HACL1: variants seen among roughly 807,000 people sequenced by gnomAD.
HACL1 encodes the protein 2-hydroxyacyl-CoA lyase 1.
In HACL1, 64 loss-of-function variants were observed where a neutral mutation model predicts 74.2. The ratio of observed to expected loss-of-function variants is 0.86; its 90% CI spans 0.70 to 1.06. The LOEUF is 1.06. Ranked by LOEUF, HACL1 falls within the 50% of genes least tolerant of loss-of-function variation. HACL1 has a pLI of 0.00. For synonymous variants in HACL1, 230 were observed against 238.8 expected, an observed-to-expected ratio of 0.96 and a Z score of 0.34; for missense variants, 728 against 719.7, an observed-to-expected ratio of 1.01 and a Z score of -0.13.
At chr3:15,592,445 T>C (rs977197444) in intron 3 of HACL1, among the ~76,000 whole-genome samples, 1 of 141,504 alleles carries the variant, frequency 7.1e-6, no homozygotes, top group Admixed American at 7.0e-5. Context: ...GACACACGTA[T>C]ACATACACAC....
rs779132749 is a variant in HACL1 at position 15,601,539 on chromosome 3, G to T, written c.-76C>A. 40 of 1,605,588 alleles carry T rather than the reference G, an allele frequency of 2.5e-5. No individual in the cohort carries two copies. Among genetic ancestry groups the T allele is most frequent in the Non-Finnish European group, 3.2e-5 (38 of 1,179,730 alleles). On this transcript the variant is annotated 5_prime_UTR_variant, in exon 1 of 17. Transcript: ENST00000321169. ...CATCCAGCAAGGCAAACGCGAAATC[G>T]GCAGCACGCCACCTCTGGTACTGCA... is the stretch of plus-strand genomic sequence containing the variant.
At chr3:15,577,798 CA>C (rs200913990) in intron 9 of HACL1, among the ~76,000 whole-genome samples, 2 of 147,750 alleles carry the variant, frequency 1.4e-5, no homozygotes, top group East Asian at 2.0e-4. Flanking sequence ...ACCCTGTCTC[CA>C]AAAAAAACCC....
At position 15,564,582 on chromosome 3, in the gene HACL1, C is replaced by G; in HGVS notation, c.1486G>C (p.Glu496Gln). 1 of 1,541,974 alleles carries G rather than the reference C, an allele frequency of 6.5e-7. No individual in the cohort carries two copies. Among genetic ancestry groups the G allele is most frequent in the Non-Finnish European group, 8.9e-7 (1 of 1,118,474 alleles). Residue 496 changes from glutamate (E) to glutamine (Q), a missense_variant, in exon 15 of 17, where the codon GAA (glutamate) becomes CAA (glutamine). Glu to Gln is a conservative substitution (Grantham distance 29). Coordinates refer to ENST00000321169, the MANE Select transcript of HACL1 (RefSeq NM_012260.4). ...GTAGCATCTTGAAATTTTAACATTT[C>G]TTTCCAAGTATCTGTATCAAAACCT... Reference protein sequence around the residue: ...YQGFDTDTWKEMLKFQDATAV... With the variant: ...YQGFDTDTWKQMLKFQDATAV...
intron 13 of HACL1, 121 bp downstream of exon 13, chr3:15,568,311 A>G: frequency 1.5e-6 from 1 of 688,090 alleles, no homozygotes; most frequent in South Asian, 2.0e-5. Context: ...CTTTTATGAA[A>G]TATGTCCTTA....
At chr3:15,598,003 T>C (rs909097234) in intron 2 of HACL1, among the ~76,000 whole-genome samples, 4 of 151,742 alleles carry the variant, frequency 2.6e-5, no homozygotes, top group Non-Finnish European at 5.9e-5. Flanking sequence ...TTTGTTTTGT[T>C]TTATTTTGTT....
intron 16 of HACL1, 78 bp downstream of exon 16, chr3:15,563,280 C>G: frequency 2.2e-6 from 2 of 925,576 alleles, no homozygotes; most frequent in East Asian, 4.8e-5. Flanking sequence ...AGAGGGTGTT[C>G]TGTTTGGTAG....
At chr3:15,566,433 T>C (rs2063434968) in intron 14 of HACL1, among the ~76,000 whole-genome samples, 1 of 152,140 alleles carries the variant, frequency 6.6e-6, no homozygotes, top group Non-Finnish European at 1.5e-5. Flanking sequence ...GCGGGTGGAT[T>C]GCTTGAGCTT....
chr3:15,561,845 T>C (rs1393842268), intron 16 of HACL1, among the ~76,000 whole-genome samples: 1 of 152,150 alleles, frequency 6.6e-6, no homozygotes, highest in Non-Finnish European at 1.5e-5. Context: ...CATGCCCAGT[T>C]AATTTTTGTA....
At position 15,560,879 on chromosome 3, in the gene HACL1, G is replaced by C. The variant is rs141491413; in HGVS notation, c.1723C>G (p.Arg575Gly). The C allele has an allele frequency of 3.1e-6, 5 of 1,606,632 alleles. No homozygotes were observed. The highest frequency in any genetic ancestry group is 4.3e-6 in the Non-Finnish European group (5 of 1,174,106). ...GGCGTCTTTATTTACATATTAGAGC[G>C]GGTCAGCCAATGAAAATCCTAGAAA... Reference protein sequence around the residue: ...RKAQDFHWLTRSNM With the variant: ...RKAQDFHWLTGSNM The change falls in exon 17 of 17, where the codon CGC becomes GGC. Residue 575 changes from arginine (R) to glycine (G), a missense_variant. By Grantham distance (125) the Arg-to-Gly change is moderately radical. Transcript: ENST00000321169.
At chr3:15,590,646 T>C (rs552760154) in intron 4 of HACL1, among the ~76,000 whole-genome samples, 17 of 152,314 alleles carry the variant, frequency 1.1e-4, no homozygotes, top group Non-Finnish European at 2.2e-4. Flanking sequence ...TCTTCCTACC[T>C]ATGCAAAACA....
At chr3:15,566,614 C>T (rs2063437971) in intron 14 of HACL1, among the ~76,000 whole-genome samples, 2 of 152,032 alleles carry the variant, frequency 1.3e-5, no homozygotes, top group African/African-American at 4.8e-5. Context: ...CGCAGTTGCG[C>T]CATTCCACTC....
Position 15,579,477 on chromosome 3 carries a change from A to C in HACL1, c.803+433T>G, listed in dbSNP as rs183839711. The stretch of plus-strand genomic sequence containing the variant: ...ATAGATACTCGGGGACATGTCAGAC[A>C]GTATCAAAATGGATGAAGGTTGACA... On this transcript the variant is annotated intron_variant, in intron 9 of 16. Coordinates refer to ENST00000321169, the MANE Select transcript of HACL1 (RefSeq NM_012260.4). 1.9e-3 allele frequency among the ~76,000 whole-genome samples: 288 copies of C among 152,354 alleles called. 2 individuals are homozygous for C. Among genetic ancestry groups the C allele is most frequent in the Non-Finnish European group, 3.5e-3 (238 of 68,022 alleles).
intron 3 of HACL1, among the ~76,000 whole-genome samples, chr3:15,593,109 GTA>G (rs760155695): frequency 6.9e-6 from 1 of 144,230 alleles, no homozygotes; most frequent in Non-Finnish European, 1.5e-5. Context: ...ATATGTGTGT[GTA>G]TATATACACA....
chr3:15,591,976 T>A (rs186566427), intron 3 of HACL1, among the ~76,000 whole-genome samples: 1 of 149,356 alleles, frequency 6.7e-6, no homozygotes, highest in East Asian at 2.0e-4. Context: ...TGTATATATA[T>A]ACACACTATA....
intron 12 of HACL1, among the ~76,000 whole-genome samples, chr3:15,570,893 G>A (rs1213154506): frequency 2.0e-5 from 3 of 151,410 alleles, no homozygotes; most frequent in Non-Finnish European, 2.9e-5. Context: ...ATAATAGCAC[G>A]CCCTGAAGGA....
Position 15,592,433 on chromosome 3 carries a change from T to C in HACL1, c.228-753A>G, listed in dbSNP as rs528182499. Among the ~76,000 whole-genome samples, 4 of 148,668 alleles carry C rather than the reference T, an allele frequency of 2.7e-5. No homozygotes were observed. The East Asian group carries it at 8.1e-4, about 30-fold the overall frequency. On this transcript the variant is annotated intron_variant, in intron 3 of 16. Transcript: ENST00000321169. Reference sequence around the variant, plus strand: ...ACACGTATACACACACGTATGCATGTAGACACACGTATACATACACACACG... The same window carrying C: ...ACACGTATACACACACGTATGCATGCAGACACACGTATACATACACACACG...
At chr3:15,595,339 C>T (rs988969473) in intron 3 of HACL1, among the ~76,000 whole-genome samples, 4 of 151,870 alleles carry the variant, frequency 2.6e-5, no homozygotes, top group African/African-American at 9.7e-5. Flanking sequence ...TTCACAAGTT[C>T]CTTATCACAG....
At chr3:15,598,369 T>C (rs919678699) in intron 2 of HACL1, among the ~76,000 whole-genome samples, 8 of 152,118 alleles carry the variant, frequency 5.3e-5, no homozygotes, top group Non-Finnish European at 1.0e-4. Context: ...CTAAACTACC[T>C]CCATTCACAG....
chr3:15,575,869 T>C (rs543929183), intron 9 of HACL1, among the ~76,000 whole-genome samples: 1 of 151,756 alleles, frequency 6.6e-6, no homozygotes, highest in Admixed American at 6.6e-5. Context: ...TACATAAATG[T>C]TTTCCTGGCC....
Sources: allele counts gnomAD v4.1 joint callset (sites outside exome capture counted in the v4.1 genomes callset), GRCh38; gene constraint gnomAD v4.1.1; transcripts MANE v1.5; gene names NCBI Gene and HGNC (gene_info 2026-07-23, HGNC 2026-07-21).